The following MYO3B variants were observed in gnomAD, a reference collection of about 807,000 sequenced individuals.
The protein encoded by MYO3B is myosin-IIIb.
MYO3B carries 156 observed loss-of-function variants against 174.6 expected under a neutral mutation model. That is an observed-to-expected ratio of 0.89 (90% CI 0.78 to 1.02). MYO3B has a LOEUF of 1.02. Ranked by LOEUF, MYO3B falls within the 50% of genes least tolerant of loss-of-function variation. MYO3B has a pLI of 0.00. For synonymous variants in MYO3B, 563 were observed against 569.1 expected, an observed-to-expected ratio of 0.99 and a Z score of 0.15; for missense variants, 1,632 against 1,639.4, an observed-to-expected ratio of 1.00 and a Z score of 0.08.
At chr2:170,263,507 A>G (rs548622863) in intron 7 of MYO3B, among the ~76,000 whole-genome samples, 2 of 152,246 alleles carry the variant, frequency 1.3e-5, no homozygotes, top group African/African-American at 2.4e-5. Flanking sequence ...TGGCAGGACA[A>G]TAGGGTAATA....
intron 7 of MYO3B, among the ~76,000 whole-genome samples, chr2:170,267,207 G>C (rs1418222093): frequency 6.6e-6 from 1 of 152,166 alleles, no homozygotes; most frequent in Non-Finnish European, 1.5e-5. Flanking sequence ...CCTGACAGAG[G>C]CTCTGCCATA....
chr2:170,396,255 A>T (rs1277480675), intron 16 of MYO3B, among the ~76,000 whole-genome samples: 1 of 152,242 alleles, frequency 6.6e-6, no homozygotes, highest in Non-Finnish European at 1.5e-5. Flanking sequence ...GAGAAAATGG[A>T]CAAGGTAAAG....
chr2:170,378,055 A>G lies in MYO3B; in HGVS notation c.972-3961A>G, dbSNP rs528032450. Among the ~76,000 whole-genome samples the G allele has an allele frequency of 3.1e-4, 45 of 143,304 alleles. 1 individual carries two copies. The South Asian group carries it at 5.2e-3, about 17-fold the overall frequency. 94.0% of individuals were successfully genotyped at this position (143,304 alleles called of 152,430 possible). ...ATTAAGATCTATAGTTACTAATGACACAAATCACTTAACTCAATAAAATTA... is the reference window on the plus strand; with the variant it reads ...ATTAAGATCTATAGTTACTAATGACGCAAATCACTTAACTCAATAAAATTA... On this transcript the variant is annotated intron_variant, in intron 9 of 34. Coordinates refer to ENST00000408978, the MANE Select transcript of MYO3B (RefSeq NM_138995.5).
intron 6 of MYO3B, among the ~76,000 whole-genome samples, chr2:170,219,020 ACT>A (rs916689015): frequency 6.6e-6 from 1 of 152,120 alleles, no homozygotes; most frequent in African/African-American, 2.4e-5. Flanking sequence ...ACAGCAGGTG[ACT>A]CTCCAAATCC....
intron 1 of MYO3B, among the ~76,000 whole-genome samples, chr2:170,189,769 G>A (rs1243145929): frequency 6.6e-6 from 1 of 152,024 alleles, no homozygotes; most frequent in Non-Finnish European, 1.5e-5. Context: ...TTTCCTCAAA[G>A]CAGCTATTTT....
intron 32 of MYO3B, among the ~76,000 whole-genome samples, chr2:170,545,571 C>T (rs1399723962): frequency 6.6e-6 from 1 of 152,112 alleles, no homozygotes; most frequent in Non-Finnish European, 1.5e-5. Context: ...AAATACATTG[C>T]ATTTTGAATT....
At chr2:170,487,146 T>TA (rs1430526763) in intron 25 of MYO3B, among the ~76,000 whole-genome samples, 4 of 152,226 alleles carry the variant, frequency 2.6e-5, no homozygotes, top group Non-Finnish European at 5.9e-5. Flanking sequence ...GAGACCCTGC[T>TA]AAGTCTTTTT....
At chr2:170,530,963 A>G (rs1238731260) in intron 30 of MYO3B, among the ~76,000 whole-genome samples, 2 of 152,116 alleles carry the variant, frequency 1.3e-5, no homozygotes, top group South Asian at 2.1e-4. Context: ...TCTCTGCTCT[A>G]CTGTTCCCTT....
At chr2:170,597,311 T>A (rs996239391) in intron 32 of MYO3B, among the ~76,000 whole-genome samples, 1 of 145,982 alleles carries the variant, frequency 6.9e-6, no homozygotes, top group Non-Finnish European at 1.5e-5. Flanking sequence ...GCAGTTGCAG[T>A]GAGCCGAGAT....
At position 170,654,178 on chromosome 2, in the gene MYO3B, T is replaced by A. The variant is rs1699164237; in HGVS notation, c.*1057T>A. 6.6e-6 allele frequency: 1 copy of A among 152,216 alleles called. No homozygotes were observed. Among genetic ancestry groups the A allele is most frequent in the African/African-American group, 2.4e-5 (1 of 41,472 alleles). The allele number at this position is 152,216 out of a possible 1,614,324, so 9.4% of individuals were successfully genotyped here. A position where few individuals can be genotyped will look rare whatever the true frequency, so the allele number is the denominator to read the frequency against. On this transcript the variant is annotated 3_prime_UTR_variant, in exon 35 of 35. Transcript: ENST00000408978. ...CTGATTATATTGTAATGATGTTAGA[T>A]AATACTCAACATGATTCAGTATGAC...
chr2:170,190,330 G>A (rs1267859933), intron 1 of MYO3B, among the ~76,000 whole-genome samples: 1 of 152,144 alleles, frequency 6.6e-6, no homozygotes, highest in East Asian at 1.9e-4. Context: ...TCTTGTCCAA[G>A]GCCTGCAGTA....
chr2:170,463,330 T>C (rs1212691812), intron 23 of MYO3B, 38 bp from the exon 24 acceptor site: 2 of 1,595,076 alleles, frequency 1.3e-6, no homozygotes, highest in East Asian at 2.2e-5. Context: ...GGTAAGTGCC[T>C]AGATCCTCAA....
chr2:170,537,328 G>C (rs1480864640), intron 30 of MYO3B, among the ~76,000 whole-genome samples: 1 of 151,610 alleles, frequency 6.6e-6, no homozygotes, highest in East Asian at 1.9e-4. Context: ...CATCCTGGGT[G>C]ACAGAGTTAG....
At chr2:170,557,152 T>TA (rs1450082166) in intron 32 of MYO3B, among the ~76,000 whole-genome samples, 1 of 150,572 alleles carries the variant, frequency 6.6e-6, no homozygotes, top group Non-Finnish European at 1.5e-5. Context: ...ATTTTTATTT[T>TA]TTTTTGAGAC....
At chr2:170,572,978 G>C (rs2106282748) in intron 32 of MYO3B, among the ~76,000 whole-genome samples, 1 of 151,718 alleles carries the variant, frequency 6.6e-6, no homozygotes, top group Admixed American at 6.6e-5. Flanking sequence ...TTAGTATTTT[G>C]GCTTTGCCTT....
intron 3 of MYO3B, among the ~76,000 whole-genome samples, chr2:170,203,897 A>G (rs574090852): frequency 6.6e-6 from 1 of 152,324 alleles, no homozygotes; most frequent in East Asian, 1.9e-4. Context: ...ACAGCATTAC[A>G]TCCCACAAAC....
chr2:170,229,004 C>G (rs1414940250), intron 6 of MYO3B, among the ~76,000 whole-genome samples: 2 of 149,286 alleles, frequency 1.3e-5, no homozygotes, highest in African/African-American at 2.5e-5. Flanking sequence ...AATGTATCCT[C>G]TCTTGAAATT....
chr2:170,617,319 G>C (rs566658216), intron 32 of MYO3B, among the ~76,000 whole-genome samples: 180 of 152,272 alleles, frequency 1.2e-3, no homozygotes, highest in African/African-American at 4.1e-3. Context: ...CAAATATCTT[G>C]TCTGGCTCTG....
At chr2:170,645,196 G>C (rs1300848408) in intron 32 of MYO3B, among the ~76,000 whole-genome samples, 1 of 151,990 alleles carries the variant, frequency 6.6e-6, no homozygotes, top group Non-Finnish European at 1.5e-5. Context: ...TCAGGCCGGG[G>C]GCAGTGGCTC....
Sources: gnomAD v4.1 joint callset for allele counts (sites outside exome capture counted in the v4.1 genomes callset) on GRCh38, gnomAD v4.1.1 for gene constraint, MANE v1.5 for transcripts, NCBI Gene and HGNC (gene_info 2026-07-23, HGNC 2026-07-21) for gene names.